ZC3HAV1: variants seen among roughly 807,000 people sequenced by gnomAD.
ZC3HAV1 encodes zinc finger CCCH-type antiviral protein 1.
A neutral mutation model predicts 86.6 loss-of-function variants in ZC3HAV1; 41 were observed. The observed-to-expected ratio is 0.47, with a 90% CI of 0.37 to 0.61. ZC3HAV1 has a LOEUF of 0.61. ZC3HAV1 is among the 20% of genes least tolerant of loss of function. The pLI is 0.00. For missense variants in ZC3HAV1, 964 were observed against 1,141.1 expected (o/e 0.84, Z 2.24); for synonymous variants, 421 against 432.1 (o/e 0.97, Z 0.32).
At chr7:139,106,614 T>TA (rs35125618) in intron 1 of ZC3HAV1, among the ~76,000 whole-genome samples, 1 of 152,092 alleles carries the variant, frequency 6.6e-6, no homozygotes, top group African/African-American at 2.4e-5. Context: ...CAAAAAATTT[T>TA]AAAAAAATCT....
At chr7:139,072,064 T>A (rs1236427816) in intron 7 of ZC3HAV1, among the ~76,000 whole-genome samples, 1 of 152,234 alleles carries the variant, frequency 6.6e-6, no homozygotes, top group Non-Finnish European at 1.5e-5. Context: ...GCCCACTGAC[T>A]CGTAATTATT....
Position 139,064,894 on chromosome 7 carries a change from C to T in ZC3HAV1, c.1978G>A (p.Glu660Lys), listed in dbSNP as rs1439990612. 1.2e-6 allele frequency: 2 copies of T among 1,614,164 alleles called. No individual in the cohort carries two copies. The highest frequency in any genetic ancestry group is 1.7e-6 in the Non-Finnish European group (2 of 1,180,022). ...AGAAACCCACCTTGGAAACTCAGCT[C>T]ATAGTTCCGTGAGCCCGCCTGAAAT... ...VPFQAGSRNY[E>K]LSFQGMIQTN... Residue 660 changes from glutamate to lysine, a missense_variant, in exon 8 of 13, where the codon GAG becomes AAG. By Grantham distance (56) the Glu-to-Lys change is moderately conservative. Transcript: ENST00000242351.
At position 139,047,239 on chromosome 7, in the gene ZC3HAV1, G is replaced by GA. The variant is rs1815980834; in HGVS notation, c.*354dup. 1.2e-5 allele frequency: 3 copies of GA among 255,030 alleles called. No individual in the cohort carries two copies. The highest frequency in any genetic ancestry group is 2.2e-5 in the Non-Finnish European group (3 of 134,174). 15.8% of individuals were successfully genotyped at this position (255,030 alleles called of 1,614,324 possible). A position where few individuals can be genotyped will look rare whatever the true frequency, so the allele number is the denominator to read the frequency against. On this transcript the variant is annotated 3_prime_UTR_variant, in exon 13 of 13. Transcript: ENST00000242351. ...AGCTACTCGGGAGGCTGAGGCAGGA[G>GA]AATTGCTTGAACCCGGGAGGCAGAG...
rs944064009 is a variant in ZC3HAV1, at chr7:139,074,318, AAAGT to A, written c.1698-292_1698-289del. ...AAACTCCTGATTGGCTCAATGTTAT[AAAGT>A]AAGTTAGAAATTCGCATTTGGTCCA... On this transcript the variant is annotated intron_variant, in intron 6 of 12. Coordinates refer to ENST00000242351, the MANE Select transcript of ZC3HAV1 (RefSeq NM_020119.4). Among the ~76,000 whole-genome samples, 59 of 152,386 alleles carry A rather than the reference AAAGT, an allele frequency of 3.9e-4. 1 individual carries two copies. Among genetic ancestry groups the A allele is most frequent in the Middle Eastern group, 3.4e-3 (1 of 294 alleles).
intron 7 of ZC3HAV1, among the ~76,000 whole-genome samples, chr7:139,069,598 G>A (rs1283286246): frequency 2.0e-5 from 3 of 152,020 alleles, no homozygotes; most frequent in Non-Finnish European, 2.9e-5. Context: ...CACCATTGCT[G>A]CCCAACTGCC....
At chr7:139,086,391 T>TCCCCA (rs1157207460) in intron 2 of ZC3HAV1, among the ~76,000 whole-genome samples, 1 of 151,172 alleles carries the variant, frequency 6.6e-6, no homozygotes, top group Admixed American at 6.6e-5. Flanking sequence ...GGCAAGAACC[T>TCCCCA]CCCCACCCCA....
chr7:139,080,984 A>G (rs1584859664), intron 3 of ZC3HAV1, among the ~76,000 whole-genome samples: 1 of 152,224 alleles, frequency 6.6e-6, no homozygotes, highest in Admixed American at 6.5e-5. Context: ...ATCTCACTCC[A>G]TAAGGCCAAA....
At chr7:139,074,071 A>G (rs1378940968) in intron 6 of ZC3HAV1, 41 bp from the exon 7 acceptor site, 1 of 1,563,004 alleles carries the variant, frequency 6.4e-7, no homozygotes, top group Non-Finnish European at 8.7e-7. Context: ...TGCTTCATTG[A>G]CCCCTGTTTT....
At chr7:139,056,682 C>G (rs569227710) in intron 9 of ZC3HAV1, among the ~76,000 whole-genome samples, 9 of 152,156 alleles carry the variant, frequency 5.9e-5, no homozygotes. Flanking sequence ...GCTAGGATTA[C>G]AGGCATGAGC....
chr7:139,095,954 G>A (rs1050566263), intron 1 of ZC3HAV1, among the ~76,000 whole-genome samples: 2 of 152,122 alleles, frequency 1.3e-5, no homozygotes, highest in African/African-American at 4.8e-5. Context: ...TCCACATCAG[G>A]ACTGAGAAAA....
At position 139,047,582 on chromosome 7, in the gene ZC3HAV1, T is replaced by A; in HGVS notation, c.*12A>T. On this transcript the variant is annotated 3_prime_UTR_variant, in exon 13 of 13. Transcript: ENST00000242351. ...TGGTTATGGCATCCTTCTGACGCTG[T>A]ATTCATCGGTTCTAACTAATCACGC... 6.2e-7 allele frequency: 1 copy of A among 1,613,944 alleles called. No individual in the cohort carries two copies. The highest frequency in any genetic ancestry group is 8.5e-7 in the Non-Finnish European group (1 of 1,179,966).
chr7:139,108,508 C>T lies in ZC3HAV1; in HGVS notation c.308+516G>A, dbSNP rs370750131. On this transcript the variant is annotated intron_variant, in intron 1 of 12. Transcript: ENST00000242351. The surrounding 1 kb of genome is among the most constrained non-coding windows in gnomAD (Gnocchi z 4.2). Reference sequence around the variant, plus strand: ...CGGTGATGAGGGGCATGGGGGTGACCGGGAAGGGAGGGACAAGCAGAGAGA... The same window carrying T: ...CGGTGATGAGGGGCATGGGGGTGACTGGGAAGGGAGGGACAAGCAGAGAGA... 1.3e-5 allele frequency among the ~76,000 whole-genome samples: 2 copies of T among 152,000 alleles called. No individual in the cohort carries two copies. The highest frequency in any genetic ancestry group is 4.8e-5 in the African/African-American group (2 of 41,388).
At chr7:139,064,191 T>C (rs1193407008) in intron 8 of ZC3HAV1, among the ~76,000 whole-genome samples, 10 of 152,216 alleles carry the variant, frequency 6.6e-5, no homozygotes. Flanking sequence ...ATCTGCGAAT[T>C]CAGGGACCTC....
intron 1 of ZC3HAV1, among the ~76,000 whole-genome samples, chr7:139,096,311 A>G (rs7811517): frequency 0.25 from 38,130 of 151,774 alleles, 5,025 homozygotes; most frequent in East Asian, 0.42. Context: ...ACCGTACCCG[A>G]CCACCAAAAT....
intron 8 of ZC3HAV1, among the ~76,000 whole-genome samples, chr7:139,063,373 T>C (rs1024055227): frequency 2.3e-4 from 35 of 152,212 alleles, no homozygotes; most frequent in Non-Finnish European, 4.8e-4. Flanking sequence ...ACATTGATTT[T>C]TGTGTTTTTT....
chr7:139,064,891 G>A lies in ZC3HAV1; in HGVS notation c.1981C>T (p.Leu661=). Residue 661 remains leucine (L), a synonymous_variant, in exon 8 of 13, where the codon CTG becomes TTG. Transcript: ENST00000242351. Reference sequence around the variant, plus strand: ...CACAGAAACCCACCTTGGAAACTCAGCTCATAGTTCCGTGAGCCCGCCTGA... The same window carrying A: ...CACAGAAACCCACCTTGGAAACTCAACTCATAGTTCCGTGAGCCCGCCTGA... ...PFQAGSRNYE[L]SFQGMIQTNI... 3 of 1,614,124 alleles carry A rather than the reference G, an allele frequency of 1.9e-6. No homozygotes were observed. The highest frequency in any genetic ancestry group is 2.5e-6 in the Non-Finnish European group (3 of 1,180,000).
chr7:139,076,205 C>G, intron 6 of ZC3HAV1, 81 bp downstream of exon 6: 3 of 1,560,674 alleles, frequency 1.9e-6, no homozygotes, highest in Non-Finnish European at 1.7e-6. Flanking sequence ...GTGTTTTTTT[C>G]TTTTTCCCCT....
intron 2 of ZC3HAV1, 36 bp downstream of exon 2, chr7:139,089,588 T>C (rs756803086): frequency 6.4e-7 from 1 of 1,563,156 alleles, no homozygotes; most frequent in Non-Finnish European, 8.6e-7. Context: ...CTGCCAGTAA[T>C]ATTCTCCCTC....
chr7:139,053,520 C>T lies in ZC3HAV1; in HGVS notation c.2380G>A (p.Val794Met). The T allele has an allele frequency of 1.2e-6, 2 of 1,606,114 alleles. 1 individual carries two copies. Among genetic ancestry groups the T allele is most frequent in the Admixed American group, 3.5e-5 (2 of 57,568 alleles). ...AAATTATTCGAACAGATAGATTCCA[C>T]ATAGGCACGGCTTGTCGCATAAAAT... is the stretch of plus-strand genomic sequence containing the variant. ...LLFYATSRAY[V>M]ESICSNNFDS... Residue 794 changes from valine (V) to methionine (M), a missense_variant, in exon 12 of 13, where the codon GTG (valine) becomes ATG (methionine). By Grantham distance (21) the Val-to-Met change is conservative (BLOSUM62 1). Coordinates refer to ENST00000242351, the MANE Select transcript of ZC3HAV1 (RefSeq NM_020119.4).
Sources: allele counts gnomAD v4.1 joint callset (sites outside exome capture counted in the v4.1 genomes callset), GRCh38; gene constraint gnomAD v4.1.1; non-coding constraint Gnocchi (gnomAD v3.1); transcripts MANE v1.5; gene names NCBI Gene and HGNC (gene_info 2026-07-23, HGNC 2026-07-21).